The following NSUN6 variants were observed in gnomAD, a reference collection of about 807,000 sequenced individuals.
The protein encoded by NSUN6 is NOP2/Sun RNA methyltransferase 6.
In NSUN6, 64 loss-of-function variants were observed where a neutral mutation model predicts 58.0. That is an observed-to-expected ratio of 1.10 (90% CI 0.90 to 1.36). The LOEUF (loss-of-function observed/expected upper bound fraction) is 1.36, where lower values mean the gene tolerates loss of function less well. Among genes scored for constraint, NSUN6 ranks in the 40% most tolerant of loss-of-function variants. The probability of loss-of-function intolerance (pLI) is 0.00; values close to 1 mark genes in which losing one functional copy is unlikely to be tolerated. For synonymous variants in NSUN6, 231 were observed against 193.9 expected (o/e 1.19, Z -1.59); for missense variants, 701 against 550.1 (o/e 1.27, Z -2.74).
chr10:18,642,406 C>A (rs901435014), intron 3 of NSUN6, 70 bp downstream of exon 3: 2 of 770,112 alleles, frequency 2.6e-6, no homozygotes, highest in Non-Finnish European at 4.6e-6. Context: ...TATCACTGAA[C>A]AATTAAAAAG....
At chr10:18,605,551 T>C (rs1467232928) in intron 6 of NSUN6, among the ~76,000 whole-genome samples, 3 of 152,150 alleles carry the variant, frequency 2.0e-5, no homozygotes, top group Admixed American at 1.3e-4. Flanking sequence ...TTTTTTAAAA[T>C]GTCTCCCCAC....
chr10:18,576,643 A>G (rs960131000), intron 8 of NSUN6, among the ~76,000 whole-genome samples: 3 of 152,140 alleles, frequency 2.0e-5, no homozygotes, highest in Non-Finnish European at 4.4e-5. Flanking sequence ...CCATCCCCCA[A>G]CACTAAGTTC....
intron 3 of NSUN6, among the ~76,000 whole-genome samples, chr10:18,638,464 AAAG>A (rs1272576461): frequency 1.3e-5 from 2 of 152,146 alleles, no homozygotes; most frequent in African/African-American, 4.8e-5. Flanking sequence ...AACAAACAAA[AAAG>A]AAGAACTAAG....
At chr10:18,615,079 C>T (rs2058363235) in intron 4 of NSUN6, among the ~76,000 whole-genome samples, 1 of 150,194 alleles carries the variant, frequency 6.7e-6, no homozygotes, top group African/African-American at 2.5e-5. Flanking sequence ...TTAAGGCAGA[C>T]TTTAATGATA....
At chr10:18,559,586 T>TGGAATGGAATGGAGAATGGAATGGAATGC (rs1417508813) in intron 8 of NSUN6, among the ~76,000 whole-genome samples, 12 of 148,130 alleles carry the variant, frequency 8.1e-5, no homozygotes, top group Non-Finnish European at 9.0e-5. Context: ...CAATAGAGAA[T>TGGAATGGAATGGAGAATGGAATGGAATGC]GGAATGGAAT....
chr10:18,588,245 A>G (rs528974917), intron 7 of NSUN6, among the ~76,000 whole-genome samples: 113 of 152,330 alleles, frequency 7.4e-4, no homozygotes, highest in African/African-American at 2.5e-3. Flanking sequence ...GCATCTCTGA[A>G]GGACAGGCAG....
intron 3 of NSUN6, among the ~76,000 whole-genome samples, chr10:18,629,185 T>G (rs1285283478): frequency 6.6e-6 from 1 of 152,022 alleles, no homozygotes; most frequent in Admixed American, 6.6e-5. Context: ...AATAAAATCC[T>G]TTACAGACAA....
At chr10:18,570,915 C>CCATTCTACATTCAATTA (rs1378653165) in intron 8 of NSUN6, among the ~76,000 whole-genome samples, 13 of 151,758 alleles carry the variant, frequency 8.6e-5, no homozygotes, top group Non-Finnish European at 1.9e-4. Context: ...CCATTCCATT[C>CCATTCTACATTCAATTA]CATTCTACAT....
chr10:18,592,223 A>G (rs190446002), intron 7 of NSUN6, among the ~76,000 whole-genome samples: 12 of 152,324 alleles, frequency 7.9e-5, no homozygotes, highest in Admixed American at 2.6e-4. Flanking sequence ...ATAAGAGAGG[A>G]CACAAACAAA....
chr10:18,549,171 T>G (rs2054460199), intron 9 of NSUN6, among the ~76,000 whole-genome samples: 2 of 152,156 alleles, frequency 1.3e-5, no homozygotes, highest in South Asian at 4.1e-4. Flanking sequence ...CATGATCACT[T>G]AGAGTCAAAG....
intron 8 of NSUN6, among the ~76,000 whole-genome samples, chr10:18,553,676 G>A (rs989152219): frequency 6.6e-6 from 1 of 151,050 alleles, no homozygotes; most frequent in Non-Finnish European, 1.5e-5. Context: ...GAATGTAGTG[G>A]AAAATGAAAA....
At chr10:18,601,363 C>T (rs1431053520) in intron 6 of NSUN6, among the ~76,000 whole-genome samples, 1 of 152,032 alleles carries the variant, frequency 6.6e-6, no homozygotes, top group Non-Finnish European at 1.5e-5. Context: ...TCTGTGGGCC[C>T]AGATTTCAAA....
rs1481620739 is a variant in NSUN6 at position 18,631,760 on chromosome 10, C to A, written c.311+10716G>T. Among the ~76,000 whole-genome samples the A allele has an allele frequency of 2.1e-4, 31 of 150,984 alleles. No homozygotes were observed. The East Asian group carries it at 5.5e-3, about 27-fold the overall frequency. ...CTGCTCAAGGAAATAAAAGAGGATA[C>A]AAACAAATGGAAGAACATTCCATGC... On this transcript the variant is annotated intron_variant, in intron 3 of 10. Coordinates refer to ENST00000377304, the MANE Select transcript of NSUN6 (RefSeq NM_182543.5).
At chr10:18,557,561 G>C (rs759396792) in intron 8 of NSUN6, among the ~76,000 whole-genome samples, 3 of 151,140 alleles carry the variant, frequency 2.0e-5, no homozygotes, top group Non-Finnish European at 4.4e-5. Context: ...ATGGAGAATG[G>C]AATGGACAGT....
At chr10:18,570,836 CCCATTCTCTATT>C (rs2056317262) in intron 8 of NSUN6, among the ~76,000 whole-genome samples, 1 of 149,378 alleles carries the variant, frequency 6.7e-6, no homozygotes, top group South Asian at 2.1e-4. Flanking sequence ...TGCATTCCAT[CCCATTCTCTATT>C]CCATTCTCTT....
Position 18,648,571 on chromosome 10 carries a change from T to C in NSUN6, c.150A>G (p.Pro50=), listed in dbSNP as rs1231778819. 6.2e-7 allele frequency: 1 copy of C among 1,605,882 alleles called. No individual in the cohort carries two copies. The highest frequency in any genetic ancestry group is 1.1e-5 in the South Asian group (1 of 90,882). The change falls in exon 2 of 11, where the codon CCA becomes CCG. Residue 50 remains proline (P), a synonymous_variant. Coordinates refer to ENST00000377304, the MANE Select transcript of NSUN6 (RefSeq NM_182543.5). ...ETLLKHLSHP[P]SFTTVRVNTH... ...TATTCACTCTGACAGTTGTAAATGA[T>C]GGAGGATGTGACAGGTGCTTTAACA...
intron 3 of NSUN6, among the ~76,000 whole-genome samples, chr10:18,641,939 G>A (rs1181901594): frequency 6.6e-6 from 1 of 152,014 alleles, no homozygotes. Context: ...GCAGTGGTGC[G>A]CAACTGTAGT....
At chr10:18,615,684 G>A (rs1766497084) in intron 4 of NSUN6, among the ~76,000 whole-genome samples, 1 of 152,178 alleles carries the variant, frequency 6.6e-6, no homozygotes, top group South Asian at 2.1e-4. Flanking sequence ...GTTTTCTACA[G>A]ATGAAAGCAA....
intron 3 of NSUN6, among the ~76,000 whole-genome samples, chr10:18,641,658 G>A (rs1236356140): frequency 7.4e-6 from 1 of 136,034 alleles, no homozygotes; most frequent in Non-Finnish European, 1.6e-5. Context: ...GAATAAGTAA[G>A]CCACCAGATC....
Sources: gnomAD v4.1 joint callset for allele counts (sites outside exome capture counted in the v4.1 genomes callset) on GRCh38, gnomAD v4.1.1 for gene constraint, MANE v1.5 for transcripts, NCBI Gene and HGNC (gene_info 2026-07-23, HGNC 2026-07-21) for gene names.